Variants in FAM90A20 observed in about 807,000 individuals in gnomAD.
FAM90A20 encodes the protein family with sequence similarity 90 member A20.
the FAM90A20 span, chr8:7,297,521 A>G: frequency 6.6e-7 from 1 of 1,516,356 alleles, no homozygotes; most frequent in Non-Finnish European, 8.9e-7. Flanking sequence ...CCAGGCTCCG[A>G]TTCAGGCTTG....
the FAM90A20 span, chr8:7,297,144 A>G: frequency 6.6e-7 from 1 of 1,526,248 alleles, no homozygotes; most frequent in Non-Finnish European, 8.8e-7. Context: ...TCAGCTACCG[A>G]AATGTCTGGC....
the FAM90A20 span, chr8:7,297,315 C>T: frequency 1.0e-5 from 14 of 1,355,418 alleles, no homozygotes; most frequent in South Asian, 4.7e-5. Context: ...GTGGAGCCGA[C>T]ACACAGCAGC....
chr8:7,297,309 A>T, the FAM90A20 span: 21 of 1,355,130 alleles, frequency 1.5e-5, 6 homozygotes, highest in African/African-American at 4.1e-4. Flanking sequence ...CTCGTGGTGG[A>T]GCCGACACAC....
chr8:7,296,442 C>A, the FAM90A20 span: 20 of 713,508 alleles, frequency 2.8e-5, 3 homozygotes, highest in South Asian at 1.9e-4. Flanking sequence ...CTCTAGGTAA[C>A]CCTGGTTGAT....
At chr8:7,296,398 G>T in the FAM90A20 span, 6 of 745,626 alleles carry the variant, frequency 8.0e-6, 1 homozygote, top group Non-Finnish European at 7.3e-6. Flanking sequence ...TTATCTGAGG[G>T]TGAGTGTCAC....
chr8:7,296,649 A>T, the FAM90A20 span, among the ~76,000 whole-genome samples: 2 of 135,084 alleles, frequency 1.5e-5, no homozygotes, highest in Non-Finnish European at 3.0e-5. Context: ...GGCATGAGGA[A>T]ATTAGTCCCT....
chr8:7,297,044 T>C, the FAM90A20 span: 2 of 1,479,880 alleles, frequency 1.4e-6, no homozygotes, highest in Middle Eastern at 2.3e-4. Context: ...CTAACCTGTG[T>C]TGTTTCCTCT....
At chr8:7,296,300 C>T in the FAM90A20 span, 2 of 736,932 alleles carry the variant, frequency 2.7e-6, no homozygotes, top group East Asian at 2.5e-5. Flanking sequence ...CAACAAGACC[C>T]GCAGAGGAAG....
the FAM90A20 span, chr8:7,296,920 G>T: frequency 6.5e-5 from 45 of 696,532 alleles, 8 homozygotes; most frequent in Admixed American, 1.9e-4. Context: ...CAGGTGGAGG[G>T]TCTGTCCCTA....
At chr8:7,297,354 A>C in the FAM90A20 span, 14 of 1,421,166 alleles carry the variant, frequency 9.9e-6, 1 homozygote, top group East Asian at 2.9e-4. Context: ...GAAGTTCCCC[A>C]GGCTGCCTCC....
At chr8:7,297,053 C>A in the FAM90A20 span, 3 of 1,492,200 alleles carry the variant, frequency 2.0e-6, no homozygotes, top group Non-Finnish European at 2.7e-6. Context: ...GTTGTTTCCT[C>A]TCTTTCAGGT....
At chr8:7,297,418 T>C in the FAM90A20 span, 4 of 1,552,462 alleles carry the variant, frequency 2.6e-6, no homozygotes, top group South Asian at 1.1e-5. Flanking sequence ...ACAAACGTCC[T>C]GCGGTGACCT....
At chr8:7,297,438 G>A in the FAM90A20 span, 2 of 1,555,554 alleles carry the variant, frequency 1.3e-6, no homozygotes, top group Non-Finnish European at 1.7e-6. Flanking sequence ...TCACAGCCCT[G>A]CCCATCAGCC....
chr8:7,295,744 G>A, the FAM90A20 span: 6,497 of 1,186,282 alleles, frequency 5.5e-3, 1,004 homozygotes, highest in East Asian at 0.095. Context: ...AGGAAGGGAA[G>A]GAAAACCTGA....
chr8:7,297,070 G>C, the FAM90A20 span: 3,475 of 1,505,818 alleles, frequency 2.3e-3, 302 homozygotes, highest in South Asian at 8.3e-3. Context: ...AGGTTGCAAG[G>C]GGGCCAATGC....
chr8:7,297,073 G>A, the FAM90A20 span: 79 of 1,505,608 alleles, frequency 5.2e-5, 7 homozygotes, highest in Admixed American at 1.2e-3. Flanking sequence ...TTGCAAGGGG[G>A]CCAATGCCGG....
At chr8:7,295,637 T>C in the FAM90A20 span, 9 of 664,800 alleles carry the variant, frequency 1.4e-5, no homozygotes, top group East Asian at 1.7e-4. Context: ...ACAGCTCAAG[T>C]GCAAAAACTG....
the FAM90A20 span, chr8:7,296,184 A>G: frequency 1.2e-5 from 8 of 648,538 alleles, no homozygotes; most frequent in Non-Finnish European, 1.7e-5. Flanking sequence ...CCAGATTTCC[A>G]TTTCTGTATC....
the FAM90A20 span, among the ~76,000 whole-genome samples, chr8:7,296,024 G>A: frequency 7.0e-5 from 9 of 129,320 alleles, 1 homozygote; most frequent in Non-Finnish European, 1.4e-4. Flanking sequence ...TTCAGGGACG[G>A]GGAGAGGCGG....
Sources: gnomAD v4.1 joint callset for allele counts (sites outside exome capture counted in the v4.1 genomes callset) on GRCh38, gnomAD v4.1.1 for gene constraint, MANE v1.5 for transcripts, NCBI Gene and HGNC (gene_info 2026-07-23, HGNC 2026-07-21) for gene names.